CDK14: variants seen among roughly 807,000 people sequenced by gnomAD.
The protein encoded by CDK14 is cyclin dependent kinase 14, also known as cyclin-dependent kinase 14.
In CDK14, 34 loss-of-function variants were observed where a neutral mutation model predicts 60.7. The observed-to-expected ratio is 0.56, with a 90% confidence interval of 0.43 to 0.75. The LOEUF is 0.75. Ranked by LOEUF, CDK14 falls within the 30% of genes least tolerant of loss-of-function variation. The pLI is 0.00. For synonymous variants in CDK14, 197 were observed against 203.7 expected, an observed-to-expected ratio of 0.97 and a Z score of 0.28; for missense variants, 482 against 564.1, an observed-to-expected ratio of 0.85 and a Z score of 1.47.
intron 7 of CDK14, among the ~76,000 whole-genome samples, chr7:90,909,562 A>G (rs369347186): frequency 4.6e-5 from 7 of 152,006 alleles, no homozygotes; most frequent in African/African-American, 1.7e-4. Flanking sequence ...CACTTGACTT[A>G]TTATAAGTCT....
intron 11 of CDK14, among the ~76,000 whole-genome samples, chr7:91,079,097 T>C (rs187146660): frequency 6.6e-4 from 100 of 152,318 alleles, no homozygotes; most frequent in Admixed American, 1.5e-3. Flanking sequence ...TGTGTTGATA[T>C]GCTTTTGTAA....
chr7:90,750,043 A>G (rs1385175334), intron 4 of CDK14, among the ~76,000 whole-genome samples: 1 of 152,068 alleles, frequency 6.6e-6, no homozygotes, highest in African/African-American at 2.4e-5. Flanking sequence ...CCGTATGTAA[A>G]AGCTGCTGAT....
intron 5 of CDK14, among the ~76,000 whole-genome samples, chr7:90,819,942 C>T (rs763212093): frequency 6.6e-6 from 1 of 152,022 alleles, no homozygotes; most frequent in Non-Finnish European, 1.5e-5. Context: ...TTTGGTCATC[C>T]TTAACATCAT....
At chr7:90,749,880 C>G (rs1241924652) in intron 4 of CDK14, among the ~76,000 whole-genome samples, 2 of 152,098 alleles carry the variant, frequency 1.3e-5, no homozygotes, top group Non-Finnish European at 2.9e-5. Context: ...GAAGGGAACT[C>G]AGAACACTAT....
At position 90,812,398 on chromosome 7, in the gene CDK14, A is replaced by G. The variant is rs573745445; in HGVS notation, c.544+21746A>G. On this transcript the variant is annotated intron_variant, in intron 5 of 14. Coordinates refer to ENST00000380050, the MANE Select transcript of CDK14 (RefSeq NM_001287135.2). ...AACCAAACACGGCATGTTCTCACTC[A>G]TAGGTGGTAATTGAACAATGAGAAC... 3.3e-5 allele frequency among the ~76,000 whole-genome samples: 5 copies of G among 152,234 alleles called. No homozygotes were observed. In the South Asian group the frequency reaches 6.2e-4, roughly 19 times the overall value.
At chr7:91,102,450 C>T (rs1259907539) in intron 12 of CDK14, among the ~76,000 whole-genome samples, 9 of 152,122 alleles carry the variant, frequency 5.9e-5, no homozygotes. Flanking sequence ...ACACCTACCA[C>T]ACCTTTACTC....
intron 2 of CDK14, among the ~76,000 whole-genome samples, chr7:90,638,183 C>T (rs1800206672): frequency 6.6e-6 from 1 of 152,008 alleles, no homozygotes; most frequent in African/African-American, 2.4e-5. Flanking sequence ...ATGATGTTAG[C>T]TGGTTATTTT....
At chr7:90,622,507 G>T (rs1381241794) in intron 2 of CDK14, among the ~76,000 whole-genome samples, 1 of 152,144 alleles carries the variant, frequency 6.6e-6, no homozygotes, top group Non-Finnish European at 1.5e-5. Flanking sequence ...TGATCCCTGA[G>T]CACATGTTTT....
At chr7:91,065,113 A>T (rs979317351) in intron 11 of CDK14, among the ~76,000 whole-genome samples, 1 of 152,226 alleles carries the variant, frequency 6.6e-6, no homozygotes, top group Non-Finnish European at 1.5e-5. Flanking sequence ...TTGCTCAAAG[A>T]TTACTCATTT....
intron 4 of CDK14, among the ~76,000 whole-genome samples, chr7:90,757,179 C>G (rs4728933): frequency 0.19 from 28,901 of 150,056 alleles, 2,898 homozygotes; most frequent in South Asian, 0.24. Context: ...CATCACCCCT[C>G]TTGTTGCCTT....
chr7:91,173,528 A>T (rs1398714269), intron 14 of CDK14, among the ~76,000 whole-genome samples: 1 of 152,110 alleles, frequency 6.6e-6, no homozygotes, highest in Non-Finnish European at 1.5e-5. Flanking sequence ...TGATTTCTGC[A>T]TTTCCATCTG....
intron 14 of CDK14, among the ~76,000 whole-genome samples, chr7:91,192,747 G>A (rs2115948117): frequency 6.6e-6 from 1 of 152,150 alleles, no homozygotes; most frequent in East Asian, 1.9e-4. Context: ...CTTTAATCCT[G>A]TATTAATATT....
At chr7:90,612,665 G>A (rs1425188198) in intron 2 of CDK14, among the ~76,000 whole-genome samples, 7 of 151,438 alleles carry the variant, frequency 4.6e-5, no homozygotes, top group African/African-American at 1.2e-4. Context: ...CCAGCTACTC[G>A]GGAGGCTGAG....
At position 91,111,035 on chromosome 7, in the gene CDK14, T is replaced by C. The variant is rs528116582; in HGVS notation, c.1155-1507T>C. Among the ~76,000 whole-genome samples, 91 of 152,348 alleles carry C rather than the reference T, an allele frequency of 6.0e-4. 1 individual carries two copies. The Middle Eastern group carries it at 0.01, about 17-fold the overall frequency. On this transcript the variant is annotated intron_variant, in intron 12 of 14. Coordinates refer to ENST00000380050, the MANE Select transcript of CDK14 (RefSeq NM_001287135.2). ...ATGCTTTCGTTCCCTGTGGACAAAT[T>C]TCTCTCTTCCAGGGAGAGACAGTTA...
rs981564074 is a variant in CDK14 at position 91,210,358 on chromosome 7, C to T, written c.*3222C>T. On this transcript the variant is annotated 3_prime_UTR_variant, in exon 15 of 15. Coordinates refer to ENST00000380050, the MANE Select transcript of CDK14 (RefSeq NM_001287135.2). ...ATCTTTTATTTTTTTTTGTATGATG[C>T]ACTGAGATGTGTACTTTCTAACAGG... 3.3e-5 allele frequency: 5 copies of T among 150,708 alleles called. No homozygotes were observed. Among genetic ancestry groups the T allele is most frequent in the African/African-American group, 1.2e-4 (5 of 40,838 alleles). 9.3% of individuals were successfully genotyped at this position (150,708 alleles called of 1,614,324 possible).
intron 6 of CDK14, among the ~76,000 whole-genome samples, chr7:90,865,787 C>T (rs73401855): frequency 0.031 from 4,648 of 152,156 alleles, 233 homozygotes; most frequent in African/African-American, 0.1. Flanking sequence ...ACTTTTGGTG[C>T]TCTCAACAGC....
intron 14 of CDK14, among the ~76,000 whole-genome samples, chr7:91,188,561 T>C (rs1001006717): frequency 1.3e-5 from 2 of 151,592 alleles, no homozygotes; most frequent in East Asian, 1.9e-4. Flanking sequence ...GATGGATGGA[T>C]GGATACATAC....
chr7:90,983,717 G>T (rs981353236), intron 9 of CDK14, among the ~76,000 whole-genome samples: 6 of 151,700 alleles, frequency 4.0e-5, no homozygotes, highest in Non-Finnish European at 8.8e-5. Flanking sequence ...GTTGTTTGCA[G>T]CAACATGGAT....
chr7:90,856,793 A>G (rs1348994345), intron 5 of CDK14, among the ~76,000 whole-genome samples: 2 of 151,990 alleles, frequency 1.3e-5, no homozygotes, highest in African/African-American at 2.4e-5. Context: ...ACAGCCTTAA[A>G]GCTGTCAAGC....
Sources: gnomAD v4.1 joint callset for allele counts (sites outside exome capture counted in the v4.1 genomes callset) on GRCh38, gnomAD v4.1.1 for gene constraint, MANE v1.5 for transcripts, NCBI Gene and HGNC (gene_info 2026-07-23, HGNC 2026-07-21) for gene names.